PTPN3: variants seen among roughly 807,000 people sequenced by gnomAD.
PTPN3 encodes the protein tyrosine-protein phosphatase non-receptor type 3.
A neutral mutation model predicts 132.7 loss-of-function variants in PTPN3; 96 were observed. The ratio of observed to expected loss-of-function variants is 0.72; its 90% CI spans 0.61 to 0.86. The LOEUF is 0.86. PTPN3 is among the 40% of genes least tolerant of loss of function. The pLI, the probability that PTPN3 is intolerant of heterozygous loss-of-function variation, is 0.00. For synonymous variants in PTPN3, 398 were observed against 429.0 expected, an observed-to-expected ratio of 0.93 and a Z score of 0.89; for missense variants, 1,125 against 1,159.6, an observed-to-expected ratio of 0.97 and a Z score of 0.43.
chr9:109,417,632 C>CTCTGAAGACCCAGCACAAAGTGGCT (rs1842623579), intron 14 of PTPN3: 1 of 985,174 alleles, frequency 1.0e-6, no homozygotes, highest in African/African-American at 1.7e-5. Context: ...GGCCAGCCTC[C>CTCTGAAGACCCAGCACAAAGTGGCT]TCTGAAGACC....
At chr9:109,389,005 G>A (rs1013953331) in intron 22 of PTPN3, among the ~76,000 whole-genome samples, 1 of 152,188 alleles carries the variant, frequency 6.6e-6, no homozygotes, top group African/African-American at 2.4e-5. Context: ...GTAAGGCTAG[G>A]GGAAGTGCCT....
chr9:109,471,025 C>T (rs1846353855), intron 1 of PTPN3, among the ~76,000 whole-genome samples: 2 of 151,424 alleles, frequency 1.3e-5, no homozygotes, highest in Non-Finnish European at 1.5e-5. Context: ...CCCTTTTGCC[C>T]TGGATTCAAT....
chr9:109,456,006 G>A (rs563165164), intron 4 of PTPN3, among the ~76,000 whole-genome samples: 1 of 152,168 alleles, frequency 6.6e-6, no homozygotes, highest in South Asian at 2.1e-4. Flanking sequence ...GTGGCCCTGA[G>A]GCTCCCACAG....
chr9:109,457,830 C>A (rs1466341446), intron 2 of PTPN3, among the ~76,000 whole-genome samples: 1 of 152,198 alleles, frequency 6.6e-6, no homozygotes, highest in Non-Finnish European at 1.5e-5. Flanking sequence ...AGTGCATGTC[C>A]AGGAAAGGAA....
the PTPN3 span, among the ~76,000 whole-genome samples, chr9:109,506,899 A>T: frequency 2.0e-5 from 3 of 152,210 alleles, no homozygotes; most frequent in Non-Finnish European, 2.9e-5. Flanking sequence ...CACAGTGCCC[A>T]GTCTGAATTT....
chr9:109,457,522 C>A lies in PTPN3; in HGVS notation c.139-123G>T, dbSNP rs531432394. On this transcript the variant is annotated intron_variant, in intron 2 of 25. Transcript: ENST00000374541. Reference sequence around the variant, plus strand: ...TGCTATGCACACACACTTCCCACCACAAGAAAAGCTTTAATAAATTTTAAG... The same window carrying A: ...TGCTATGCACACACACTTCCCACCAAAAGAAAAGCTTTAATAAATTTTAAG... 1.2e-3 allele frequency: 847 copies of A among 730,536 alleles called. 14 individuals carry two copies. In the South Asian group the frequency reaches 0.015, roughly 13 times the overall value. 45.3% of individuals were successfully genotyped at this position (730,536 alleles called of 1,614,324 possible). A position where few individuals can be genotyped will look rare whatever the true frequency, so the allele number is the denominator to read the frequency against.
At chr9:109,401,465 A>C (rs1588331666) in intron 19 of PTPN3, among the ~76,000 whole-genome samples, 1 of 152,214 alleles carries the variant, frequency 6.6e-6, no homozygotes. Context: ...GTGGGTATTT[A>C]TCTCTAATGT....
At chr9:109,381,910 G>T in intron 24 of PTPN3, 123 bp from the exon 25 acceptor site, 2 of 1,154,812 alleles carry the variant, frequency 1.7e-6, no homozygotes, top group Non-Finnish European at 2.5e-6. Flanking sequence ...AAGACAAAAC[G>T]CACACTCACG....
chr9:109,454,498 G>T lies in PTPN3; in HGVS notation c.366C>A (p.Thr122=). 1 of 1,611,510 alleles carries T rather than the reference G, an allele frequency of 6.2e-7. No individual in the cohort carries two copies. The highest frequency in any genetic ancestry group is 2.2e-5 in the East Asian group (1 of 44,862). The change falls in exon 5 of 26, where the codon ACC becomes ACA. Residue 122 remains threonine, a splice_region_variant and synonymous_variant. Coordinates refer to ENST00000374541, the MANE Select transcript of PTPN3 (RefSeq NM_002829.4). ...PDPNTLQQEQ[T]RHLYFLQLKM... ...AAACTTTAAAAAAATGTTGTTACCT[G>T]GTTTGTTCTTGCTGCAGTGTGTTGG...
At chr9:109,492,644 T>A (rs1847515069) in intron 1 of PTPN3, among the ~76,000 whole-genome samples, 1 of 152,224 alleles carries the variant, frequency 6.6e-6, no homozygotes, top group African/African-American at 2.4e-5. Flanking sequence ...ACAATTTGGG[T>A]CATTATTGTA....
Position 109,457,364 on chromosome 9 carries a change from C to A in PTPN3, c.174G>T (p.Val58=), listed in dbSNP as rs987337028. Residue 58 remains valine, a synonymous_variant, in exon 3 of 26, where the codon GTG becomes GTT. Transcript: ENST00000374541. The part of the protein sequence containing the change: ...QDTGQVLLDM[V]HNHLGVTEKE... Reference sequence around the variant, plus strand: ...TTTCAGTCACACCCAGGTGGTTGTGCACCATATCCAGAAGAACCTGGCCAG... The same window carrying A: ...TTTCAGTCACACCCAGGTGGTTGTGAACCATATCCAGAAGAACCTGGCCAG... 1 of 1,614,116 alleles carries A rather than the reference C, an allele frequency of 6.2e-7. No homozygotes were observed. Among genetic ancestry groups the A allele is most frequent in the Admixed American group, 1.7e-5 (1 of 60,008 alleles).
intron 1 of PTPN3, among the ~76,000 whole-genome samples, chr9:109,497,302 C>T (rs1227772316): frequency 1.3e-5 from 2 of 152,132 alleles, no homozygotes; most frequent in Non-Finnish European, 2.9e-5. Context: ...TTGTGCCGGG[C>T]ACGGTGCCAA....
At chr9:109,423,210 ATTAACCATTTT>A (rs1239909694) in intron 12 of PTPN3, among the ~76,000 whole-genome samples, 1 of 152,264 alleles carries the variant, frequency 6.6e-6, no homozygotes, top group African/African-American at 2.4e-5. Context: ...AAGTAAAAAT[ATTAACCATTTT>A]TTCAGGTGCT....
chr9:109,534,380 C>T, the PTPN3 span: 11 of 1,468,996 alleles, frequency 7.5e-6, no homozygotes, highest in Non-Finnish European at 9.8e-6. Context: ...TGCGGCTCCT[C>T]CCGGGGTGTG....
chr9:109,535,620 C>A, the PTPN3 span, among the ~76,000 whole-genome samples: 1 of 151,946 alleles, frequency 6.6e-6, no homozygotes, highest in Non-Finnish European at 1.5e-5. Context: ...GATTCTGGTG[C>A]CTTAGCCTTC....
At chr9:109,393,463 G>A (rs1840305605) in intron 19 of PTPN3, among the ~76,000 whole-genome samples, 1 of 141,608 alleles carries the variant, frequency 7.1e-6, no homozygotes, top group Non-Finnish European at 1.5e-5. Context: ...TCGGCTCACT[G>A]TAACCTCCAT....
intron 1 of PTPN3, among the ~76,000 whole-genome samples, chr9:109,475,562 A>C (rs1846618120): frequency 6.6e-6 from 1 of 152,184 alleles, no homozygotes; most frequent in Non-Finnish European, 1.5e-5. Context: ...ACAGACTGGA[A>C]ATCAGGATGG....
intron 6 of PTPN3, among the ~76,000 whole-genome samples, chr9:109,446,257 G>C (rs1397315299): frequency 1.3e-5 from 2 of 152,192 alleles, no homozygotes; most frequent in East Asian, 1.9e-4. Flanking sequence ...ACCCCAGTGG[G>C]AAGTGGGGAA....
At chr9:109,413,428 G>C (rs1842232417) in intron 14 of PTPN3, among the ~76,000 whole-genome samples, 2 of 152,228 alleles carry the variant, frequency 1.3e-5, no homozygotes, top group African/African-American at 4.8e-5. Context: ...ATCAAATGAG[G>C]AGATGCAATG....
Sources: gnomAD v4.1 joint callset for allele counts (sites outside exome capture counted in the v4.1 genomes callset) on GRCh38, gnomAD v4.1.1 for gene constraint, MANE v1.5 for transcripts, NCBI Gene and HGNC (gene_info 2026-07-23, HGNC 2026-07-21) for gene names.